The following HSD17B3 variants were observed in gnomAD, a reference collection of about 807,000 sequenced individuals.
HSD17B3 encodes 17-beta-hydroxysteroid dehydrogenase type 3.
In HSD17B3, 29 loss-of-function variants were observed where a neutral mutation model predicts 41.1. The observed-to-expected ratio is 0.71, with a 90% CI of 0.53 to 0.96. HSD17B3 has a LOEUF of 0.96. Ranked by LOEUF, HSD17B3 falls within the 40% of genes least tolerant of loss-of-function variation. HSD17B3 has a pLI of 0.00. For missense variants in HSD17B3, 323 were observed against 374.6 expected (o/e 0.86, Z 1.14); for synonymous variants, 126 against 145.6 (o/e 0.87, Z 0.97).
intron 2 of HSD17B3, among the ~76,000 whole-genome samples, chr9:96,288,653 T>C (rs564906872): frequency 6.6e-6 from 1 of 151,852 alleles, no homozygotes; most frequent in South Asian, 2.1e-4. Flanking sequence ...ATTAAAAAAT[T>C]AGGCCAGGCT....
intron 3 of HSD17B3, 103 bp from the exon 4 acceptor site, chr9:96,253,013 G>A (rs766203984): frequency 6.3e-5 from 50 of 794,840 alleles, no homozygotes; most frequent in Admixed American, 1.4e-4. Flanking sequence ...AGACATTGAA[G>A]AGGACAGCCC....
chr9:96,241,961 A>AAAAGAAAGAAAGAAAG (rs10639612), intron 9 of HSD17B3, among the ~76,000 whole-genome samples: 14,503 of 100,346 alleles, frequency 0.14, 1,325 homozygotes, highest in African/African-American at 0.16. Context: ...AAAGAACAGA[A>AAAAGAAAGAAAGAAAG]AAAGAAAGAA....
chr9:96,235,519 G>A lies in HSD17B3; in HGVS notation c.874C>T (p.Gln292Ter). 1 of 1,614,144 alleles carries A rather than the reference G, an allele frequency of 6.2e-7. No homozygotes were observed. The highest frequency in any genetic ancestry group is 1.1e-5 in the South Asian group (1 of 91,060). Residue 292 changes from glutamine (Q) to a stop codon, truncating the protein, a stop_gained, in exon 11 of 11, where the codon CAA becomes TAA. Transcript: ENST00000375263. LOFTEE classifies it low-confidence loss of function (END_TRUNC). ...ACATAGTGTGTCAGGAGCAGCCTTT[G>A]GAAGGCACCGCTGTAGAAGGCCCAG... Reference protein sequence around the residue: ...PAWAFYSGAFQRLLLTHYVAY... With the variant: ...PAWAFYSGAF
rs10545828 is a variant in HSD17B3 at position 96,300,607 on chromosome 9, TTGTGTGTG to T, written c.154+1336_154+1343del. On this transcript the variant is annotated intron_variant, in intron 1 of 10. Transcript: ENST00000375263. Reference sequence around the variant, plus strand: ...TTAATCATTTTTGTCATTGGATTCTTTGTGTGTGTGTGTGTGTGTGTGTGTGTGTGTCC... The same window carrying T: ...TTAATCATTTTTGTCATTGGATTCTTTGTGTGTGTGTGTGTGTGTGTGTCC... Among the ~76,000 whole-genome samples the T allele has an allele frequency of 1.1e-4, 12 of 109,880 alleles. 1 individual carries two copies. The highest frequency in any genetic ancestry group is 8.4e-3 in the Middle Eastern group (2 of 238). The allele number at this position is 109,880 out of a possible 152,430, so 72.1% of individuals were successfully genotyped here. A position where few individuals can be genotyped will look rare whatever the true frequency, so the allele number is the denominator to read the frequency against.
chr9:96,242,689 G>A (rs575619431), intron 9 of HSD17B3, among the ~76,000 whole-genome samples: 4 of 152,256 alleles, frequency 2.6e-5, no homozygotes, highest in African/African-American at 9.6e-5. Context: ...ATCAGGGAAG[G>A]GACAAGGGAC....
intron 2 of HSD17B3, among the ~76,000 whole-genome samples, chr9:96,295,586 C>T (rs532423055): frequency 7.3e-5 from 11 of 150,968 alleles, no homozygotes; most frequent in African/African-American, 2.4e-4. Flanking sequence ...CCACCCTCCT[C>T]GGCCTCCCAA....
At chr9:96,292,550 G>A (rs1165982107) in intron 2 of HSD17B3, among the ~76,000 whole-genome samples, 3 of 152,124 alleles carry the variant, frequency 2.0e-5, no homozygotes, top group South Asian at 2.1e-4. Context: ...GTTTCACCAT[G>A]TTGGCCAGGG....
intron 2 of HSD17B3, among the ~76,000 whole-genome samples, chr9:96,267,314 G>A (rs148883010): frequency 2.0e-5 from 3 of 151,870 alleles, no homozygotes; most frequent in African/African-American, 7.2e-5. Context: ...ATGCCACCAC[G>A]GCCAGCTACT....
intron 2 of HSD17B3, among the ~76,000 whole-genome samples, chr9:96,287,200 C>G (rs8190517): frequency 1.2e-4 from 18 of 152,300 alleles, no homozygotes; most frequent in Non-Finnish European, 2.5e-4. Flanking sequence ...TCCCTCTTAC[C>G]TGTTGCCAGT....
rs1836619035 is a variant in HSD17B3 at position 96,245,353 on chromosome 9, C to T, written c.598G>A (p.Ala200Thr). 6.2e-7 allele frequency: 1 copy of T among 1,608,814 alleles called. No individual in the cohort carries two copies. Among genetic ancestry groups the T allele is most frequent in the Non-Finnish European group, 8.5e-7 (1 of 1,175,138 alleles). Reference protein sequence around the residue: ...FPWPLYSMYSASKAFVCAFSK... With the variant: ...FPWPLYSMYSTSKAFVCAFSK... ...GTCATGACATCACTCACCTTGGAAG[C>T]TGAGTACATGGAGTAGAGAGGCCAA... is the stretch of plus-strand genomic sequence containing the variant. Residue 200 changes from alanine to threonine, a missense_variant, in exon 8 of 11, where the codon GCT (alanine) becomes ACT (threonine). Coordinates refer to ENST00000375263, the MANE Select transcript of HSD17B3 (RefSeq NM_000197.2).
chr9:96,244,213 G>C, intron 9 of HSD17B3, 116 bp downstream of exon 9: 1 of 1,013,430 alleles, frequency 9.9e-7, no homozygotes, highest in Non-Finnish European at 1.6e-6. Flanking sequence ...TGAGCAGCCA[G>C]ACCCACAGGA....
intron 2 of HSD17B3, among the ~76,000 whole-genome samples, chr9:96,297,011 G>C (rs1827385421): frequency 6.6e-6 from 1 of 151,256 alleles, no homozygotes; most frequent in African/African-American, 2.4e-5. Context: ...TTCCAGCCTG[G>C]GCAACAGAGC....
rs1365962179 is a variant in HSD17B3, at chr9:96,252,844, T to G, written c.344A>C (p.His115Pro). 8 of 1,613,612 alleles carry G rather than the reference T, an allele frequency of 5.0e-6. No individual in the cohort carries two copies. Among genetic ancestry groups the G allele is most frequent in the Non-Finnish European group, 6.8e-6 (8 of 1,179,550 alleles). ...TAAGCCTGCAAGTTTTTCTTTAATA[T>G]GCTCGTAGATGTCATCTTTTGTAAA... is the stretch of plus-strand genomic sequence containing the variant. ...ADFTKDDIYEHIKEKLAGLEI... is the reference protein window; with the variant it reads ...ADFTKDDIYEPIKEKLAGLEI... The change falls in exon 4 of 11, where the codon CAT becomes CCT. Residue 115 changes from histidine (H) to proline (P), a missense_variant. Physicochemically the swap from His to Pro is moderately conservative, Grantham distance 77. Transcript: ENST00000375263.
Position 96,244,313 on chromosome 9 carries a change from C to T in HSD17B3, c.672+16G>A. ...CACCTGGATGATGACAAGGACTCCA[C>T]AGCTGCCCACCTCACCTGGATGATG... is the stretch of plus-strand genomic sequence containing the variant. On this transcript the variant is annotated intron_variant, in intron 9 of 10. Transcript: ENST00000375263. 6.2e-7 allele frequency: 1 copy of T among 1,613,632 alleles called. No individual in the cohort carries two copies. The highest frequency in any genetic ancestry group is 8.5e-7 in the Non-Finnish European group (1 of 1,179,512).
At chr9:96,249,846 G>A (rs547284607) in intron 5 of HSD17B3, 60 bp from the exon 6 acceptor site, 3 of 1,612,504 alleles carry the variant, frequency 1.9e-6, no homozygotes, top group African/African-American at 1.3e-5. Context: ...CTCCTGGAAA[G>A]TAGTTGGTGC....
intron 3 of HSD17B3, among the ~76,000 whole-genome samples, chr9:96,254,149 A>T (rs1331577653): frequency 1.3e-5 from 2 of 152,238 alleles, no homozygotes; most frequent in Non-Finnish European, 2.9e-5. Context: ...CTTCAGAGCA[A>T]ATCATCATAA....
chr9:96,298,178 C>T (rs916452531), intron 2 of HSD17B3, among the ~76,000 whole-genome samples: 3 of 152,154 alleles, frequency 2.0e-5, no homozygotes, highest in Admixed American at 6.5e-5. Flanking sequence ...CAATGCCCCA[C>T]AAATTCCCAA....
intron 10 of HSD17B3, chr9:96,239,796 G>C (rs1836362649): frequency 6.6e-6 from 1 of 152,144 alleles, no homozygotes; most frequent in Non-Finnish European, 1.5e-5. Flanking sequence ...GTTTGCTTCA[G>C]TATTAGTGAG....
At chr9:96,261,143 C>T (rs933934821) in intron 2 of HSD17B3, among the ~76,000 whole-genome samples, 1 of 152,046 alleles carries the variant, frequency 6.6e-6, no homozygotes, top group African/African-American at 2.4e-5. Context: ...GATCTTTGAC[C>T]CAGACCCCCC....
Sources: gnomAD v4.1 joint callset for allele counts (sites outside exome capture counted in the v4.1 genomes callset) on GRCh38, gnomAD v4.1.1 for gene constraint, MANE v1.5 for transcripts, NCBI Gene and HGNC (gene_info 2026-07-23, HGNC 2026-07-21) for gene names.